The following KIF20B variants were observed in gnomAD, a reference collection of about 807,000 sequenced individuals.
KIF20B encodes the protein kinesin-like protein KIF20B.
A neutral mutation model predicts 232.5 loss-of-function variants in KIF20B; 188 were observed. That is an observed-to-expected ratio of 0.81 (90% CI 0.72 to 0.91). The LOEUF (loss-of-function observed/expected upper bound fraction) is 0.91. KIF20B is among the 40% of genes least tolerant of loss of function. The pLI is 0.00. For missense variants in KIF20B, 2,154 were observed against 2,055.9 expected, an observed-to-expected ratio of 1.05 and a Z score of -0.92; for synonymous variants, 712 against 683.0, an observed-to-expected ratio of 1.04 and a Z score of -0.66.
In KIF20B at chr10:89,711,146, G is replaced by A. The variant is rs1241843256; in HGVS notation, c.675+1G>A. 2 of 1,517,156 alleles carry A rather than the reference G, an allele frequency of 1.3e-6. No homozygotes were observed. The highest frequency in any genetic ancestry group is 2.1e-5 in the Admixed American group (1 of 47,138). 94.0% of individuals were successfully genotyped at this position (1,517,156 alleles called of 1,614,324 possible). A position where few individuals can be genotyped will look rare whatever the true frequency, so the allele number is the denominator to read the frequency against. On this transcript the variant is annotated splice_donor_variant, in intron 6 of 32. Transcript: ENST00000371728. LOFTEE classifies it high-confidence loss of function. ...TGCATTGCTTCGGCAAATTAAAGAG[G>A]TATGGAAATATTTTAGTATGTAAAA...
chr10:89,740,689 C>G (rs750446691), intron 21 of KIF20B, among the ~76,000 whole-genome samples: 17 of 152,122 alleles, frequency 1.1e-4, no homozygotes, highest in Non-Finnish European at 2.1e-4. Flanking sequence ...GGGACAGGGT[C>G]TTACTCTGTC....
intron 23 of KIF20B, among the ~76,000 whole-genome samples, chr10:89,748,777 A>G (rs990639795): frequency 6.6e-6 from 1 of 152,070 alleles, no homozygotes. Flanking sequence ...AGGTTGCCCT[A>G]TAGTTTTTAT....
At chr10:89,752,735 C>T (rs1273057265) in intron 25 of KIF20B, 44 bp downstream of exon 25, 6 of 1,337,328 alleles carry the variant, frequency 4.5e-6, no homozygotes, top group African/African-American at 1.5e-5. Context: ...TATCTGTCTT[C>T]ATTATATTTC....
intron 25 of KIF20B, among the ~76,000 whole-genome samples, chr10:89,752,937 C>T (rs555063057): frequency 1.4e-4 from 21 of 152,142 alleles, no homozygotes; most frequent in Non-Finnish European, 2.9e-4. Flanking sequence ...TTATGTTTCA[C>T]ATATTTAATT....
chr10:89,770,455 G>A (rs1842440496), intron 31 of KIF20B, among the ~76,000 whole-genome samples: 1 of 151,862 alleles, frequency 6.6e-6, no homozygotes, highest in Admixed American at 6.6e-5. Flanking sequence ...AGTCCTTTAG[G>A]CTTACTACCA....
intron 31 of KIF20B, among the ~76,000 whole-genome samples, chr10:89,769,097 GTAAC>G (rs1276712329): frequency 6.6e-6 from 1 of 152,000 alleles, no homozygotes; most frequent in Non-Finnish European, 1.5e-5. Context: ...TTGTATTTAA[GTAAC>G]TGATCCAGAG....
In KIF20B at chr10:89,715,102, T is replaced by A; in HGVS notation, c.860T>A (p.Phe287Tyr). The A allele has an allele frequency of 1.2e-6, 2 of 1,609,590 alleles. No homozygotes were observed. Among genetic ancestry groups the A allele is most frequent in the Non-Finnish European group, 1.7e-6 (2 of 1,177,852 alleles). ...TACAATGAATATATTTATGACTTAT[T>A]TGTTCCTGTATCATCTAAATTCCAA... ...EIYNEYIYDL[F>Y]VPVSSKFQKR... The change falls in exon 8 of 33, where the codon TTT becomes TAT. Residue 287 changes from phenylalanine (F) to tyrosine (Y), a missense_variant. Physicochemically the swap from Phe to Tyr is conservative, Grantham distance 22. Coordinates refer to ENST00000371728, the MANE Select transcript of KIF20B (RefSeq NM_001284259.2).
chr10:89,725,209 G>A (rs1843155360), intron 15 of KIF20B, 51 bp downstream of exon 15: 1 of 1,517,322 alleles, frequency 6.6e-7, no homozygotes, highest in African/African-American at 1.4e-5. Flanking sequence ...TGGTACCAGG[G>A]TTTAGTGTAC....
At position 89,737,567 on chromosome 10, in the gene KIF20B, A is replaced by G. The variant is rs766148294; in HGVS notation, c.2726A>G (p.Asn909Ser). Residue 909 changes from asparagine to serine, a missense_variant, in exon 20 of 33, where the codon AAT (asparagine) becomes AGT (serine). Transcript: ENST00000371728. ...KNEKEEKAEL[N>S]KQIVHFQQEL... ...GAAAAGGAAGAAAAAGCAGAATTAA[A>G]TAAACAGATTGTTCATTTTCAGCAG... The G allele has an allele frequency of 6.2e-7, 1 of 1,607,310 alleles. No homozygotes were observed. The highest frequency in any genetic ancestry group is 1.1e-5 in the South Asian group (1 of 88,922).
chr10:89,752,988 ACTC>A (rs1261959099), intron 25 of KIF20B, among the ~76,000 whole-genome samples: 1 of 152,120 alleles, frequency 6.6e-6, no homozygotes, highest in African/African-American at 2.4e-5. Context: ...CCATTTTTCT[ACTC>A]CTTAAACTTC....
intron 13 of KIF20B, 60 bp from the exon 14 acceptor site, chr10:89,723,904 G>T: frequency 6.7e-6 from 8 of 1,194,246 alleles, no homozygotes; most frequent in Non-Finnish European, 7.7e-6. Flanking sequence ...ACAGTTGGAC[G>T]GTATTTCTCT....
At chr10:89,726,188 T>C in intron 15 of KIF20B, 105 bp from the exon 16 acceptor site, 2 of 1,311,822 alleles carry the variant, frequency 1.5e-6, no homozygotes, top group Non-Finnish European at 2.0e-6. Flanking sequence ...GAATTTCAAG[T>C]GATGAATTTT....
Position 89,725,144 on chromosome 10 carries a change from A to AAAGTTGAAACTGAAGTATGTT in KIF20B, c.1990_2001+9dup. The AAAGTTGAAACTGAAGTATGTT allele has an allele frequency of 6.2e-7, 1 of 1,614,002 alleles. No individual in the cohort carries two copies. The highest frequency in any genetic ancestry group is 8.5e-7 in the Non-Finnish European group (1 of 1,179,954). ...AGCAGCGAAAGACATTTGTGCCACAAAAGTTGAAACTGAAGTATGTTAATT... is the reference window on the plus strand; with the variant it reads ...AGCAGCGAAAGACATTTGTGCCACAAAAGTTGAAACTGAAGTATGTTAAGTTGAAACTGAAGTATGTTAATT... On this transcript the variant is annotated stop_gained and inframe_insertion, in exon 15 of 33. Transcript: ENST00000371728. LOFTEE classifies it high-confidence loss of function.
At chr10:89,731,956 G>A (rs894064862) in intron 18 of KIF20B, among the ~76,000 whole-genome samples, 16 of 152,124 alleles carry the variant, frequency 1.1e-4, no homozygotes, top group African/African-American at 3.9e-4. Flanking sequence ...TGCTGATTAA[G>A]CGGCACTCTA....
intron 7 of KIF20B, among the ~76,000 whole-genome samples, chr10:89,714,540 A>T (rs1022764732): frequency 6.6e-6 from 1 of 152,294 alleles, no homozygotes; most frequent in Non-Finnish European, 1.5e-5. Flanking sequence ...TTGGTTACTA[A>T]GGATTTAATT....
intron 29 of KIF20B, chr10:89,766,489 C>G (rs1842363507): frequency 6.6e-6 from 1 of 152,136 alleles, no homozygotes; most frequent in East Asian, 1.9e-4. Flanking sequence ...CTTAAAGGAT[C>G]TGATGGAGCT....
At position 89,705,325 on chromosome 10, in the gene KIF20B, C is replaced by G; in HGVS notation, c.31C>G (p.Pro11Ala). MESNFNQEGV[P>A]RPSYVFSADP... The stretch of plus-strand genomic sequence containing the variant: ...ATCTAATTTTAATCAAGAGGGAGTA[C>G]CTCGACCATCTTATGTTTTTAGTGC... Residue 11 changes from proline to alanine, a missense_variant, in exon 2 of 33, where the codon CCT becomes GCT. By Grantham distance (27) the Pro-to-Ala change is conservative (BLOSUM62 -1). Transcript: ENST00000371728. The G allele has an allele frequency of 6.2e-7, 1 of 1,613,878 alleles. No individual in the cohort carries two copies. Among genetic ancestry groups the G allele is most frequent in the Non-Finnish European group, 8.5e-7 (1 of 1,179,870 alleles).
At chr10:89,762,512 T>C in intron 28 of KIF20B, 126 bp from the exon 29 acceptor site, 1 of 657,362 alleles carries the variant, frequency 1.5e-6, no homozygotes, top group Non-Finnish European at 2.6e-6. Flanking sequence ...GTTCTTGCTG[T>C]GATCTAGCAC....
Position 89,719,724 on chromosome 10 carries a change from A to G in KIF20B, c.1722+18A>G. 6.4e-7 allele frequency: 1 copy of G among 1,554,748 alleles called. No homozygotes were observed. Among genetic ancestry groups the G allele is most frequent in the Non-Finnish European group, 8.7e-7 (1 of 1,148,574 alleles). On this transcript the variant is annotated intron_variant, in intron 13 of 32. Transcript: ENST00000371728. ...AGAAAAGAGTATGTATTAAGAACTC[A>G]TACTTCTATGCTTGTCTTCTTATTC...
Sources: allele counts gnomAD v4.1 joint callset (sites outside exome capture counted in the v4.1 genomes callset), GRCh38; gene constraint gnomAD v4.1.1; transcripts MANE v1.5; gene names NCBI Gene and HGNC (gene_info 2026-07-23, HGNC 2026-07-21).